Variants in ZNF528 observed in about 807,000 individuals in gnomAD.
The protein encoded by ZNF528 is zinc finger protein 528.
ZNF528 carries 9 observed loss-of-function variants against 13.3 expected under a neutral mutation model. The ratio of observed to expected loss-of-function variants is 0.67; its 90% CI spans 0.41 to 1.18. ZNF528 has a LOEUF of 1.18. Ranked by LOEUF, ZNF528 falls within the 50% of genes most tolerant of loss-of-function variation. ZNF528 has a pLI of 0.01. For missense variants in ZNF528, 858 were observed against 745.4 expected, an observed-to-expected ratio of 1.15 and a Z score of -1.76; for synonymous variants, 264 against 254.3, an observed-to-expected ratio of 1.04 and a Z score of -0.36.
rs748473218 is a variant in ZNF528 at position 52,416,695 on chromosome 19, A to G, written c.1843A>G (p.Ser615Gly). The change falls in exon 7 of 7, where the codon AGT becomes GGT. Residue 615 changes from serine (S) to glycine (G), a missense_variant. Physicochemically the swap from Ser to Gly is moderately conservative, Grantham distance 56 (BLOSUM62 0). Transcript: ENST00000360465. The stretch of plus-strand genomic sequence containing the variant: ...ATGCACCCTGTGCAGTAAGGTCTTC[A>G]GTCACAATTCTGACCTTGCACAGCA... ...YKCTLCSKVFSHNSDLAQHQR... is the reference protein window; with the variant it reads ...YKCTLCSKVFGHNSDLAQHQR... The G allele has an allele frequency of 1.2e-6, 2 of 1,611,276 alleles. No homozygotes were observed. Among genetic ancestry groups the G allele is most frequent in the East Asian group, 2.2e-5 (1 of 44,780 alleles).
chr19:52,413,701 T>C (rs1032936377), intron 6 of ZNF528: 3 of 152,328 alleles, frequency 2.0e-5, no homozygotes, highest in African/African-American at 7.3e-5. Context: ...TTATCCTCCC[T>C]CTCCTGTTTT....
intron 6 of ZNF528, chr19:52,414,648 G>A: frequency 2.5e-6 from 1 of 398,478 alleles, no homozygotes; most frequent in South Asian, 2.4e-5. Flanking sequence ...CCCACATCCT[G>A]CATTCATGAT....
Position 52,416,707 on chromosome 19 carries a change from G to A in ZNF528, c.1855G>A (p.Asp619Asn). The A allele has an allele frequency of 6.2e-7, 1 of 1,608,194 alleles. No individual in the cohort carries two copies. Among genetic ancestry groups the A allele is most frequent in the Non-Finnish European group, 8.5e-7 (1 of 1,175,382 alleles). The change falls in exon 7 of 7, where the codon GAC becomes AAC. Residue 619 changes from aspartate to asparagine, a missense_variant. Coordinates refer to ENST00000360465, the MANE Select transcript of ZNF528 (RefSeq NM_032423.3). ...LCSKVFSHNS[D>N]LAQHQRVHS is the part of the protein sequence containing the mutation. ...CAGTAAGGTCTTCAGTCACAATTCT[G>A]ACCTTGCACAGCATCAGAGAGTTCA...
intron 2 of ZNF528, 125 bp from the exon 3 acceptor site, chr19:52,401,560 A>G: frequency 1.3e-6 from 1 of 777,104 alleles, no homozygotes; most frequent in Non-Finnish European, 1.8e-6. Flanking sequence ...CTGCAACTAC[A>G]CAGCCCCCTT....
intron 2 of ZNF528, among the ~76,000 whole-genome samples, chr19:52,399,203 G>T (rs2058763126): frequency 6.6e-6 from 1 of 152,140 alleles, no homozygotes; most frequent in South Asian, 2.1e-4. Flanking sequence ...ACAGAATGAG[G>T]CAGGGAAACA....
rs534959774 is a variant in ZNF528, at chr19:52,409,322, G to A, written c.271+2679G>A. On this transcript the variant is annotated intron_variant, in intron 6 of 6. Coordinates refer to ENST00000360465, the MANE Select transcript of ZNF528 (RefSeq NM_032423.3). ...AATCTCTTTTTTTTTTTTTTGAGAC[G>A]GAGTTTCACTCTTGTTGCCCAGGCT... Among the ~76,000 whole-genome samples the A allele has an allele frequency of 2.4e-3, 350 of 147,260 alleles. 1 individual carries two copies. Among genetic ancestry groups the A allele is most frequent in the Middle Eastern group, 6.8e-3 (2 of 292 alleles).
At chr19:52,407,947 A>G (rs2058879329) in intron 6 of ZNF528, among the ~76,000 whole-genome samples, 1 of 151,848 alleles carries the variant, frequency 6.6e-6, no homozygotes, top group Non-Finnish European at 1.5e-5. Flanking sequence ...TCCTGGCCTC[A>G]TGTGATTAGC....
chr19:52,406,626 T>G lies in ZNF528; in HGVS notation c.254T>G (p.Ile85Ser), dbSNP rs1471326878. 1 of 1,613,492 alleles carries G rather than the reference T, an allele frequency of 6.2e-7. No homozygotes were observed. Among genetic ancestry groups the G allele is most frequent in the Non-Finnish European group, 8.5e-7 (1 of 1,179,812 alleles). The change falls in exon 6 of 7, where the codon ATC (isoleucine) becomes AGC (serine). Residue 85 changes from isoleucine to serine, a missense_variant. By Grantham distance (142) the Ile-to-Ser change is moderately radical. Transcript: ENST00000360465. Reference sequence around the variant, plus strand: ...AACGATCCAGACGGCAGGGAGTGCATCAAAGGTGTGAACACAGGTGAGAGC... The same window carrying G: ...AACGATCCAGACGGCAGGGAGTGCAGCAAAGGTGTGAACACAGGTGAGAGC... Reference protein sequence around the residue: ...IANDPDGRECIKGVNTERSSK... With the variant: ...IANDPDGRECSKGVNTERSSK...
At chr19:52,400,544 C>T (rs998781288) in intron 2 of ZNF528, among the ~76,000 whole-genome samples, 5 of 152,024 alleles carry the variant, frequency 3.3e-5, no homozygotes, top group Non-Finnish European at 7.4e-5. Context: ...TTTTTAGAGA[C>T]AAGGTCTTGC....
intron 1 of ZNF528, 142 bp from the exon 2 acceptor site, chr19:52,398,225 C>T (rs1176134635): frequency 6.6e-6 from 1 of 152,454 alleles, no homozygotes; most frequent in East Asian, 1.9e-4. Flanking sequence ...CTAGCCTCGC[C>T]CTTCTTTGCC....
chr19:52,414,025 G>A (rs1210656753), intron 6 of ZNF528: 2 of 569,276 alleles, frequency 3.5e-6, no homozygotes, highest in East Asian at 2.9e-5. Context: ...ACAACTGCAC[G>A]TAGTGTTTTT....
rs752057936 is a variant in ZNF528 at position 52,405,933 on chromosome 19, C to A, written c.42C>A (p.Ala14=). 8.7e-6 allele frequency: 14 copies of A among 1,611,318 alleles called. 1 individual carries two copies. In the South Asian group the frequency reaches 1.5e-4, roughly 18 times the overall value. ...GACCCTTGAAATTCATGGATGTGGC[C>A]ATAGAGTTCTCTCAGGAAGAGTGGA... The part of the protein sequence containing the change: ...TQGPLKFMDV[A]IEFSQEEWKC... The change falls in exon 5 of 7, where the codon GCC becomes GCA. Residue 14 remains alanine, a synonymous_variant. Transcript: ENST00000360465.
rs372950033 is a variant in ZNF528 at position 52,415,546 on chromosome 19, C to G, written c.694C>G (p.Arg232Gly). The change falls in exon 7 of 7, where the codon CGA becomes GGA. Residue 232 changes from arginine to glycine, a missense_variant. Transcript: ENST00000360465. ...FSCSSKLVIHRRMHTGEKPYK... is the reference protein window; with the variant it reads ...FSCSSKLVIHGRMHTGEKPYK... ...TTGCAGTTCAAAGCTTGTGATACAT[C>G]GAAGAATGCATACTGGAGAGAAGCC... 17 of 1,614,018 alleles carry G rather than the reference C, an allele frequency of 1.1e-5. No homozygotes were observed. In the Admixed American group the frequency reaches 2.7e-4, roughly 25 times the overall value.
intron 2 of ZNF528, among the ~76,000 whole-genome samples, chr19:52,400,227 A>AACAC (rs56136198): frequency 0.026 from 3,730 of 144,694 alleles, 108 homozygotes; most frequent in East Asian, 0.14. Context: ...TGCCCATTAA[A>AACAC]ACACACACAC....
intron 6 of ZNF528, 65 bp from the exon 7 acceptor site, chr19:52,415,059 C>T (rs1353573351): frequency 3.1e-6 from 5 of 1,607,230 alleles, no homozygotes; most frequent in East Asian, 4.5e-5. Context: ...AATCTAGACC[C>T]TCTGTCAGAC....
chr19:52,406,090 G>A, intron 5 of ZNF528, 57 bp downstream of exon 5: 1 of 1,561,806 alleles, frequency 6.4e-7, no homozygotes, highest in Non-Finnish European at 8.7e-7. Context: ...TCTGAATTGT[G>A]TCTTATATGC....
intron 6 of ZNF528, chr19:52,414,398 C>A: frequency 1.5e-6 from 1 of 684,742 alleles, no homozygotes; most frequent in Non-Finnish European, 2.7e-6. Context: ...GGTCAGGGGG[C>A]TCCTTCTAGT....
rs984738437 is a variant in ZNF528, at chr19:52,416,992, T to G, written c.*253T>G. On this transcript the variant is annotated 3_prime_UTR_variant, in exon 7 of 7. Transcript: ENST00000360465. ...ATAGGATTTACACAAGAAGTAACTCTGTCTCTGGTTCTCTGATACTAATCT... is the reference window on the plus strand; with the variant it reads ...ATAGGATTTACACAAGAAGTAACTCGGTCTCTGGTTCTCTGATACTAATCT... 37 of 455,552 alleles carry G rather than the reference T, an allele frequency of 8.1e-5. No individual in the cohort carries two copies. In the East Asian group the frequency reaches 1.3e-3, roughly 16 times the overall value. The allele number at this position is 455,552 out of a possible 1,614,324, so 28.2% of individuals were successfully genotyped here.
rs905438098 is a variant in ZNF528 at position 52,417,621 on chromosome 19, C to CT, written c.*894dup. 1,080 of 146,002 alleles carry CT rather than the reference C, an allele frequency of 7.4e-3. 12 individuals carry two copies. The highest frequency in any genetic ancestry group is 0.021 in the African/African-American group (857 of 39,986). 9.0% of individuals were successfully genotyped at this position (146,002 alleles called of 1,614,324 possible). A position where few individuals can be genotyped will look rare whatever the true frequency, so the allele number is the denominator to read the frequency against. On this transcript the variant is annotated 3_prime_UTR_variant, in exon 7 of 7. Transcript: ENST00000360465. ...TTAGCAAAGACTGATGAGAAGTAGACTTTTTTTTTTTTGGAGATAGAGTCT... is the reference window on the plus strand; with the variant it reads ...TTAGCAAAGACTGATGAGAAGTAGACTTTTTTTTTTTTTGGAGATAGAGTCT...
Sources: gnomAD v4.1 joint callset for allele counts (sites outside exome capture counted in the v4.1 genomes callset) on GRCh38, gnomAD v4.1.1 for gene constraint, MANE v1.5 for transcripts, NCBI Gene and HGNC (gene_info 2026-07-23, HGNC 2026-07-21) for gene names.